ART3: variants seen among roughly 807,000 people sequenced by gnomAD.
ART3 encodes ADP-ribosyltransferase 3 (inactive), also known as ecto-ADP-ribosyltransferase 3.
Under a neutral mutation model 48.5 loss-of-function variants are expected in ART3, and 49 were observed. The ratio of observed to expected loss-of-function variants is 1.01; its 90% CI spans 0.80 to 1.28. ART3 has a LOEUF of 1.28. ART3 is among the 50% of genes most tolerant of loss of function. The pLI is 0.00. For synonymous variants in ART3, 145 were observed against 157.2 expected (o/e 0.92, Z 0.58); for missense variants, 438 against 454.3 (o/e 0.96, Z 0.33).
At chr4:76,032,972 T>C (rs1460955075) in intron 1 of ART3, among the ~76,000 whole-genome samples, 1 of 151,934 alleles carries the variant, frequency 6.6e-6, no homozygotes, top group Non-Finnish European at 1.5e-5. Flanking sequence ...TAACAATTTA[T>C]TATAAATCTA....
intron 1 of ART3, among the ~76,000 whole-genome samples, chr4:76,050,291 T>C (rs1044301375): frequency 5.9e-5 from 9 of 152,068 alleles, no homozygotes; most frequent in Admixed American, 2.0e-4. Flanking sequence ...TGGTCTGTTT[T>C]GACAGGGCGC....
At chr4:76,058,958 A>G (rs1204095326) in intron 1 of ART3, among the ~76,000 whole-genome samples, 2 of 152,210 alleles carry the variant, frequency 1.3e-5, no homozygotes, top group Non-Finnish European at 2.9e-5. Flanking sequence ...GAAGTGAGGT[A>G]CGGAAACAGC....
intron 1 of ART3, chr4:76,035,469 T>A: frequency 1.1e-6 from 1 of 876,038 alleles, no homozygotes; most frequent in Non-Finnish European, 1.7e-6. Context: ...CAAATAGCAC[T>A]TAACACAACT....
chr4:76,033,300 C>T (rs1734043379), intron 1 of ART3, among the ~76,000 whole-genome samples: 1 of 152,206 alleles, frequency 6.6e-6, no homozygotes. Context: ...TACTGTAAGA[C>T]TTTCATTGTT....
At position 76,044,296 on chromosome 4, in the gene ART3, T is replaced by G. The variant is rs148070939; in HGVS notation, c.-9-31585T>G. Among the ~76,000 whole-genome samples the G allele has an allele frequency of 9.6e-3, 1,464 of 152,046 alleles. 21 individuals carry two copies. The highest frequency in any genetic ancestry group is 0.032 in the African/African-American group (1,309 of 41,534). The stretch of plus-strand genomic sequence containing the variant: ...GGCATCTCATACTATCCCCGACTGG[T>G]TAGTGTGAAAACCACATTCTTCCCC... On this transcript the variant is annotated intron_variant, in intron 1 of 9. Coordinates refer to the ART3 transcript ENST00000341029.
intron 3 of ART3, among the ~76,000 whole-genome samples, chr4:76,092,024 A>G (rs1578527040): frequency 6.6e-6 from 1 of 152,092 alleles, no homozygotes; most frequent in Non-Finnish European, 1.5e-5. Context: ...CACTATAGCT[A>G]TATAATAAAC....
intron 1 of ART3, among the ~76,000 whole-genome samples, chr4:76,024,240 A>C (rs1024622715): frequency 6.6e-6 from 1 of 152,130 alleles, no homozygotes; most frequent in African/African-American, 2.4e-5. Context: ...ATTCATAGCT[A>C]TCCTAGGGTT....
chr4:76,087,700 T>C (rs1227906551), intron 3 of ART3, among the ~76,000 whole-genome samples: 1 of 152,210 alleles, frequency 6.6e-6, no homozygotes, highest in East Asian at 1.9e-4. Flanking sequence ...CTTTGTTCGT[T>C]AGGAAGCAGA....
At position 76,097,661 on chromosome 4, in the gene ART3, T is replaced by C; in HGVS notation, c.799T>C (p.Cys267Arg). 3 of 1,608,438 alleles carry C rather than the reference T, an allele frequency of 1.9e-6. No homozygotes were observed. The highest frequency in any genetic ancestry group is 2.6e-6 in the Non-Finnish European group (3 of 1,175,010). The change falls in exon 4 of 12, where the codon TGT becomes CGT. Residue 267 changes from cysteine to arginine, a missense_variant. Physicochemically the swap from Cys to Arg is radical, Grantham distance 180 (BLOSUM62 -3). Coordinates refer to ENST00000355810, the MANE Select transcript of ART3 (RefSeq NM_001130016.3). ...TGTTTCAGGACTAAAAACCGAAAACTGTATTGAGAACCTAGGTAAGATAGC... is the reference window on the plus strand; with the variant it reads ...TGTTTCAGGACTAAAAACCGAAAACCGTATTGAGAACCTAGGTAAGATAGC... ...AFLGGLKTEN[C>R]IENLEYFQPI...
At chr4:76,069,101 A>T (rs965813041) in intron 1 of ART3, among the ~76,000 whole-genome samples, 1 of 151,982 alleles carries the variant, frequency 6.6e-6, no homozygotes, top group African/African-American at 2.4e-5. Flanking sequence ...CTGTATGATA[A>T]TAGTTAACAT....
intron 1 of ART3, chr4:76,058,170 G>A (rs1434731683): frequency 6.6e-6 from 1 of 152,152 alleles, no homozygotes; most frequent in African/African-American, 2.4e-5. Context: ...AAATTCTGCA[G>A]TTGCTCTCAT....
At chr4:76,020,131 T>TC (rs1287891151) in intron 1 of ART3, among the ~76,000 whole-genome samples, 42 of 152,104 alleles carry the variant, frequency 2.8e-4, no homozygotes, top group Non-Finnish European at 1.6e-4. Flanking sequence ...TTTTTCTTCT[T>TC]TTTTTTTCTT....
chr4:76,026,678 A>C (rs187860707), intron 1 of ART3, among the ~76,000 whole-genome samples: 98 of 137,022 alleles, frequency 7.2e-4, no homozygotes, highest in Non-Finnish European at 1.2e-3. Flanking sequence ...TACCCCTAAA[A>C]GCTTCTTAGT....
chr4:76,052,732 T>TTTTTAA (rs1560599868), intron 1 of ART3, among the ~76,000 whole-genome samples: 1 of 150,454 alleles, frequency 6.6e-6, no homozygotes, highest in African/African-American at 2.4e-5. Context: ...TTTTTTTTTT[T>TTTTTAA]AAGACAGAGT....
rs531417898 is a variant in ART3 at position 76,086,063 on chromosome 4, C to A, written c.781+3528C>A. 3.3e-5 allele frequency among the ~76,000 whole-genome samples: 5 copies of A among 150,744 alleles called. No homozygotes were observed. The East Asian group carries it at 5.9e-4, about 18-fold the overall frequency. ...CTCCAGCCTGGTCAACAAGAGTCCC[C>A]CCCCCCGCTCCCTCCCCGCAGAAAA... On this transcript the variant is annotated intron_variant, in intron 3 of 11. Coordinates refer to ENST00000355810, the MANE Select transcript of ART3 (RefSeq NM_001130016.3).
chr4:76,086,389 C>A (rs1723582366), intron 3 of ART3, among the ~76,000 whole-genome samples: 1 of 152,100 alleles, frequency 6.6e-6, no homozygotes, highest in Admixed American at 6.5e-5. Context: ...AAAGCTATTG[C>A]ATGATCTCAG....
At chr4:76,095,805 C>A (rs986929188) in intron 3 of ART3, among the ~76,000 whole-genome samples, 1 of 152,210 alleles carries the variant, frequency 6.6e-6, no homozygotes, top group Non-Finnish European at 1.5e-5. Flanking sequence ...GGTCCCCAGG[C>A]TGCACCTTTC....
rs1560578285 is a variant in ART3 at position 76,023,419 on chromosome 4, CA to C, written c.-10+12100del. ...AAGATAAGGCAGCAAATCAGAATGGCAGTTTGATTCATGGTGCTGAGACTGG... is the reference window on the plus strand; with the variant it reads ...AAGATAAGGCAGCAAATCAGAATGGCGTTTGATTCATGGTGCTGAGACTGG... On this transcript the variant is annotated intron_variant, in intron 1 of 9. Coordinates refer to the ART3 transcript ENST00000341029. 2.5e-6 allele frequency: 4 copies of C among 1,613,910 alleles called. No homozygotes were observed. The South Asian group carries it at 4.4e-5, about 18-fold the overall frequency.
intron 2 of ART3, among the ~76,000 whole-genome samples, chr4:76,080,252 C>G (rs1343482500): frequency 6.6e-6 from 1 of 151,912 alleles, no homozygotes; most frequent in Non-Finnish European, 1.5e-5. Flanking sequence ...GTGTAGGATT[C>G]AAAGATAAAA....
Sources: gnomAD v4.1 joint callset for allele counts (sites outside exome capture counted in the v4.1 genomes callset) on GRCh38, gnomAD v4.1.1 for gene constraint, MANE v1.5 for transcripts, NCBI Gene and HGNC (gene_info 2026-07-23, HGNC 2026-07-21) for gene names.